Variants in RTN4 observed in about 807,000 individuals in gnomAD.
RTN4 encodes the protein reticulon-4.
A neutral mutation model predicts 90.4 loss-of-function variants in RTN4; 32 were observed. That is an observed-to-expected ratio of 0.35 (90% CI 0.27 to 0.48). The LOEUF (loss-of-function observed/expected upper bound fraction) is 0.48, where lower values mean the gene tolerates loss of function less well. Ranked by LOEUF, RTN4 falls within the 20% of genes least tolerant of loss-of-function variation. RTN4 has a pLI of 0.99. For synonymous variants in RTN4, 629 were observed against 552.5 expected, an observed-to-expected ratio of 1.14 and a Z score of -1.94; for missense variants, 1,706 against 1,430.2, an observed-to-expected ratio of 1.19 and a Z score of -3.11.
chr2:55,034,650 GAT>G (rs1366924203), intron 1 of RTN4, among the ~76,000 whole-genome samples: 2 of 152,164 alleles, frequency 1.3e-5, no homozygotes, highest in African/African-American at 4.8e-5. Context: ...GAGAGAAAAT[GAT>G]ATGAGATGTA....
Position 54,973,045 on chromosome 2 carries a change from T to C in RTN4, c.*111A>G, listed in dbSNP as rs1015973360. On this transcript the variant is annotated 3_prime_UTR_variant, in exon 9 of 9. Coordinates refer to ENST00000337526, the MANE Select transcript of RTN4 (RefSeq NM_020532.5). ...GCTAAAAATAAAGATCTAACAACGA[T>C]CTGTGAAACTGCACTGCAACGTCAA... is the stretch of plus-strand genomic sequence containing the variant. The C allele has an allele frequency of 7.4e-6, 6 of 811,398 alleles. No homozygotes were observed. Among genetic ancestry groups the C allele is most frequent in the African/African-American group, 6.8e-5 (4 of 58,504 alleles). The allele number at this position is 811,398 out of a possible 1,614,324, so 50.3% of individuals were successfully genotyped here.
chr2:55,039,682 G>C (rs940141058), intron 1 of RTN4, among the ~76,000 whole-genome samples: 4 of 152,224 alleles, frequency 2.6e-5, no homozygotes, highest in African/African-American at 7.2e-5. Context: ...CGGAGACTGA[G>C]GCAGGAGAAT....
chr2:54,997,323 CT>C (rs1679509029), intron 3 of RTN4, among the ~76,000 whole-genome samples: 1 of 151,964 alleles, frequency 6.6e-6, no homozygotes, highest in African/African-American at 2.4e-5. Context: ...TTCATACCCC[CT>C]AGGATGGCTA....
At chr2:55,042,075 C>G (rs1683112757) in intron 1 of RTN4, among the ~76,000 whole-genome samples, 1 of 151,982 alleles carries the variant, frequency 6.6e-6, no homozygotes, top group African/African-American at 2.4e-5. Flanking sequence ...ACACCTAAGC[C>G]TATGAAAAAT....
chr2:55,089,093 T>C (rs1017365711), intron 1 of RTN4, among the ~76,000 whole-genome samples: 3 of 152,224 alleles, frequency 2.0e-5, no homozygotes, highest in East Asian at 3.9e-4. Flanking sequence ...CAGTTAATTT[T>C]TGTATTTTTA....
At chr2:55,013,123 TCC>T (rs1220635879) in intron 3 of RTN4, among the ~76,000 whole-genome samples, 5 of 152,174 alleles carry the variant, frequency 3.3e-5, no homozygotes, top group African/African-American at 1.2e-4. Context: ...CACAGAAAAC[TCC>T]TTTATTTATA....
rs763967859 is a variant in RTN4 at position 55,050,246 on chromosome 2, G to A, written c.55C>T (p.Pro19Ser). The change falls in exon 1 of 9, where the codon CCG becomes TCG. Residue 19 changes from proline to serine, a missense_variant. By Grantham distance (74) the Pro-to-Ser change is moderately conservative. Coordinates refer to ENST00000337526, the MANE Select transcript of RTN4 (RefSeq NM_020532.5). The surrounding 1 kb of genome is among the most constrained non-coding windows in gnomAD (Gnocchi z 4.6). ...LVSSSDSPPRPQPAFKYQFVR... is the reference protein window; with the variant it reads ...LVSSSDSPPRSQPAFKYQFVR... ...AACTGGTACTTGAACGCGGGCTGCG[G>A]CCGGGGTGGGCTGTCCGAGGACGAG... is the stretch of plus-strand genomic sequence containing the variant. 1.9e-6 allele frequency: 3 copies of A among 1,540,482 alleles called. No individual in the cohort carries two copies. In the East Asian group the frequency reaches 7.7e-5, roughly 40 times the overall value.
chr2:55,136,331 A>G, the RTN4 span, among the ~76,000 whole-genome samples: 1 of 152,198 alleles, frequency 6.6e-6, no homozygotes, highest in African/African-American at 2.4e-5. Flanking sequence ...CTGGCAGGCA[A>G]CTGTGCATAC....
At chr2:55,107,329 A>G (rs1667960650) in intron 1 of RTN4, among the ~76,000 whole-genome samples, 1 of 150,626 alleles carries the variant, frequency 6.6e-6, no homozygotes, top group African/African-American at 2.5e-5. Flanking sequence ...TCAGCAAGCA[A>G]TATTTTCAGT....
upstream of RTN4, among the ~76,000 whole-genome samples, chr2:55,113,038 G>C (rs1668065773): frequency 6.6e-6 from 1 of 152,210 alleles, no homozygotes. Flanking sequence ...ATGGTCCATA[G>C]ATAGAAGGCC....
intron 1 of RTN4, among the ~76,000 whole-genome samples, chr2:55,093,621 G>A (rs938603840): frequency 1.3e-5 from 2 of 152,078 alleles, no homozygotes; most frequent in Non-Finnish European, 2.9e-5. Flanking sequence ...GAGAGTACAA[G>A]GGTACCAACA....
At chr2:55,027,582 T>C in intron 2 of RTN4, 97 bp from the exon 3 acceptor site, 1 of 1,217,080 alleles carries the variant, frequency 8.2e-7, no homozygotes, top group African/African-American at 1.5e-5. Context: ...AGTAAAGACT[T>C]ACTGTTTACT....
chr2:55,073,166 T>C (rs568920109), intron 2 of RTN4, among the ~76,000 whole-genome samples: 61 of 152,358 alleles, frequency 4.0e-4, no homozygotes, highest in Admixed American at 3.9e-3. Context: ...ACTAGCCATG[T>C]GTCTCACAGA....
At position 55,082,081 on chromosome 2, in the gene RTN4, A is replaced by T. The variant is rs565273959; in HGVS notation, c.-213-1442T>A. ...GGCCTAAACTGAATTTCAACCCTTG[A>T]CATAGTCAAGAAGCATAAATGTGCA... On this transcript the variant is annotated intron_variant, in intron 1 of 3. Coordinates refer to the RTN4 transcript ENST00000427710. Among the ~76,000 whole-genome samples, 39 of 152,232 alleles carry T rather than the reference A, an allele frequency of 2.6e-4. No homozygotes were observed. The South Asian group carries it at 6.8e-3, about 27-fold the overall frequency.
intron 5 of RTN4, among the ~76,000 whole-genome samples, chr2:54,975,013 C>G (rs969858897): frequency 2.6e-5 from 4 of 152,190 alleles, no homozygotes; most frequent in African/African-American, 7.2e-5. Context: ...CTGCTGAGAT[C>G]AGACAATATA....
intron 1 of RTN4, among the ~76,000 whole-genome samples, chr2:55,105,521 T>G (rs1667929085): frequency 6.6e-6 from 1 of 152,088 alleles, no homozygotes; most frequent in Admixed American, 6.6e-5. Context: ...TGAGCCACCA[T>G]GCTGGCTGAG....
chr2:55,041,550 T>C (rs188432771), intron 1 of RTN4, among the ~76,000 whole-genome samples: 2 of 152,118 alleles, frequency 1.3e-5, no homozygotes, highest in South Asian at 2.1e-4. Flanking sequence ...AGAGGAAATA[T>C]TTCACCCATA....
chr2:55,036,650 A>T (rs1682712747), intron 1 of RTN4, among the ~76,000 whole-genome samples: 1 of 151,588 alleles, frequency 6.6e-6, no homozygotes, highest in Admixed American at 6.6e-5. Flanking sequence ...AAGTTTTTTT[A>T]AATCATATAA....
intron 1 of RTN4, among the ~76,000 whole-genome samples, chr2:55,085,053 G>A (rs1407736155): frequency 6.6e-6 from 1 of 152,266 alleles, no homozygotes; most frequent in South Asian, 2.1e-4. Flanking sequence ...GACCTCCCAA[G>A]GTGCTAGGAT....
Sources: gnomAD v4.1 joint callset for allele counts (sites outside exome capture counted in the v4.1 genomes callset) on GRCh38, gnomAD v4.1.1 for gene constraint, Gnocchi (gnomAD v3.1) non-coding constraint, MANE v1.5 for transcripts, NCBI Gene and HGNC (gene_info 2026-07-23, HGNC 2026-07-21) for gene names.